Variants in PTPRN2 observed in about 807,000 individuals in gnomAD.
PTPRN2 encodes receptor-type tyrosine-protein phosphatase N2.
PTPRN2 carries 74 observed loss-of-function variants against 118.8 expected under a neutral mutation model. The observed-to-expected ratio is 0.62, with a 90% CI of 0.52 to 0.76. The LOEUF is 0.76. Among genes scored for constraint, PTPRN2 ranks in the 30% least tolerant of loss-of-function variants. The pLI is 0.00. For missense variants in PTPRN2, 1,481 were observed against 1,394.4 expected (o/e 1.06, Z -0.99); for synonymous variants, 641 against 608.0 (o/e 1.05, Z -0.80).
intron 12 of PTPRN2, among the ~76,000 whole-genome samples, chr7:157,731,361 G>GT (rs1247487799): frequency 6.6e-6 from 1 of 152,198 alleles, no homozygotes; most frequent in Admixed American, 6.5e-5. Flanking sequence ...GACTAGAACC[G>GT]TATCTGGCAT....
rs541257933 is a variant in PTPRN2, at chr7:157,845,004, G to T, written c.1788+53669C>A. On this transcript the variant is annotated intron_variant, in intron 12 of 22. Transcript: ENST00000389418. This position sits in a 1 kb window ranked among gnomAD's most constrained non-coding sequence, Gnocchi z 4.5. ...GGTTTTCCAGCAAACCCTACAGATC[G>T]GTTGGGATCCACCTGGTGACACCTG... Among the ~76,000 whole-genome samples the T allele has an allele frequency of 3.9e-5, 6 of 152,130 alleles. No homozygotes were observed. Among genetic ancestry groups the T allele is most frequent in the African/African-American group, 1.4e-4 (6 of 41,510 alleles).
Position 158,364,675 on chromosome 7 carries a change from G to A in PTPRN2, c.164-47743C>T, listed in dbSNP as rs530931096. On this transcript the variant is annotated intron_variant, in intron 2 of 22. Transcript: ENST00000389418. ...ATTCTCCGTCCCAGCCCCAGATCCC[G>A]GGAGTTTTGATCACACAGCTGGGAA... Among the ~76,000 whole-genome samples the A allele has an allele frequency of 2.2e-4, 34 of 152,286 alleles. No individual in the cohort carries two copies. The South Asian group carries it at 6.6e-3, about 30-fold the overall frequency.
At chr7:157,725,205 A>AGTGAG in intron 12 of PTPRN2, among the ~76,000 whole-genome samples, 1 of 149,162 alleles carries the variant, frequency 6.7e-6, no homozygotes, top group Admixed American at 6.7e-5. Context: ...CACGCAGAGG[A>AGTGAG]CTGCGGCCAG....
chr7:158,381,656 G>A (rs1323406063), intron 2 of PTPRN2, among the ~76,000 whole-genome samples: 2 of 152,114 alleles, frequency 1.3e-5, no homozygotes, highest in Admixed American at 6.5e-5. Context: ...CACATTTTTG[G>A]TTATCTACAG....
At chr7:158,277,572 G>A (rs545082063) in intron 3 of PTPRN2, among the ~76,000 whole-genome samples, 24 of 152,284 alleles carry the variant, frequency 1.6e-4, no homozygotes, top group Middle Eastern at 3.4e-3. Flanking sequence ...CACAGCTCCC[G>A]AGGCCTGCCA....
Position 157,903,972 on chromosome 7 carries a change from C to T in PTPRN2, c.1724-5235G>A, listed in dbSNP as rs990416754. Reference sequence around the variant, plus strand: ...ACTAATCCATGTGCCCTCGTGACAGCGGCTGTTTTGCTGCATGTCTCATGG... The same window carrying T: ...ACTAATCCATGTGCCCTCGTGACAGTGGCTGTTTTGCTGCATGTCTCATGG... On this transcript the variant is annotated intron_variant, in intron 11 of 22. Coordinates refer to ENST00000389418, the MANE Select transcript of PTPRN2 (RefSeq NM_002847.5). The surrounding 1 kb of genome is among the most constrained non-coding windows in gnomAD (Gnocchi z 4.2). 5.9e-5 allele frequency among the ~76,000 whole-genome samples: 9 copies of T among 152,256 alleles called. No individual in the cohort carries two copies. The highest frequency in any genetic ancestry group is 2.1e-4 in the South Asian group (1 of 4,832).
In PTPRN2 at chr7:157,775,671, C is replaced by A. The variant is rs562383586; in HGVS notation, c.1789-92734G>T. Among the ~76,000 whole-genome samples, 3 of 152,232 alleles carry A rather than the reference C, an allele frequency of 2.0e-5. No individual in the cohort carries two copies. The East Asian group carries it at 5.8e-4, about 30-fold the overall frequency. On this transcript the variant is annotated intron_variant, in intron 12 of 22. Coordinates refer to ENST00000389418, the MANE Select transcript of PTPRN2 (RefSeq NM_002847.5). Reference sequence around the variant, plus strand: ...GAGGCGGGCGCAGCCTCGGGGCAGTCCCCACACAAGGGCAGGACGGAGCCT... The same window carrying A: ...GAGGCGGGCGCAGCCTCGGGGCAGTACCCACACAAGGGCAGGACGGAGCCT...
At chr7:158,186,990 G>A (rs1388975977) in intron 5 of PTPRN2, among the ~76,000 whole-genome samples, 1 of 152,212 alleles carries the variant, frequency 6.6e-6, no homozygotes, top group Non-Finnish European at 1.5e-5. Flanking sequence ...CTCAGTAACA[G>A]AGTGGACAGG....
intron 4 of PTPRN2, among the ~76,000 whole-genome samples, chr7:158,204,255 C>G (rs936131181): frequency 6.6e-6 from 1 of 151,076 alleles, no homozygotes; most frequent in South Asian, 2.1e-4. Context: ...GGGAAAGACG[C>G]AGCCCCCGCC....
At chr7:158,299,163 C>G (rs1800699531) in intron 3 of PTPRN2, among the ~76,000 whole-genome samples, 1 of 152,164 alleles carries the variant, frequency 6.6e-6, no homozygotes, top group Admixed American at 6.5e-5. Context: ...TTTTATCCCA[C>G]CCAAGACTGG....
intron 12 of PTPRN2, among the ~76,000 whole-genome samples, chr7:157,704,893 C>A (rs1290892130): frequency 1.3e-5 from 2 of 152,204 alleles, no homozygotes; most frequent in Non-Finnish European, 2.9e-5. Context: ...AATTAAAAAA[C>A]CCTCATGAAA....
At chr7:158,363,240 C>T (rs543890969) in intron 2 of PTPRN2, among the ~76,000 whole-genome samples, 3 of 151,564 alleles carry the variant, frequency 2.0e-5, no homozygotes, top group African/African-American at 4.8e-5. Context: ...CGGGAGGCCA[C>T]GAGAGGCTAC....
At chr7:158,511,962 G>A (rs1169957884) in intron 1 of PTPRN2, among the ~76,000 whole-genome samples, 7 of 152,156 alleles carry the variant, frequency 4.6e-5, no homozygotes, top group Non-Finnish European at 8.8e-5. Context: ...CTATGTTACT[G>A]TAACTGTGGA....
intron 11 of PTPRN2, among the ~76,000 whole-genome samples, chr7:157,963,173 G>A (rs1465395848): frequency 3.3e-5 from 5 of 152,252 alleles, no homozygotes; most frequent in Non-Finnish European, 5.9e-5. Flanking sequence ...GAGCCGGGCA[G>A]TCTCCTGGCC....
At chr7:157,788,421 G>A (rs1804217575) in intron 12 of PTPRN2, among the ~76,000 whole-genome samples, 1 of 150,850 alleles carries the variant, frequency 6.6e-6, no homozygotes, top group South Asian at 2.1e-4. Flanking sequence ...CAGCCTCCTT[G>A]GCAAGACACT....
chr7:158,522,535 G>A (rs1234669158), intron 1 of PTPRN2, among the ~76,000 whole-genome samples: 1 of 151,628 alleles, frequency 6.6e-6, no homozygotes, highest in Non-Finnish European at 1.5e-5. Context: ...GATGGTGCAT[G>A]TGCAGGGTGT....
chr7:157,650,547 G>A (rs966811966), intron 14 of PTPRN2, among the ~76,000 whole-genome samples: 1 of 152,182 alleles, frequency 6.6e-6, no homozygotes, highest in Non-Finnish European at 1.5e-5. Flanking sequence ...ACCCGAGCCA[G>A]AGCGAGAACG....
chr7:157,860,848 T>C (rs1172321065), intron 12 of PTPRN2, among the ~76,000 whole-genome samples: 1 of 152,214 alleles, frequency 6.6e-6, no homozygotes, highest in African/African-American at 2.4e-5. Context: ...GCTGGTCAGC[T>C]CAGGCAGCAG....
At chr7:158,456,286 C>A (rs1035831521) in intron 2 of PTPRN2, among the ~76,000 whole-genome samples, 1 of 148,882 alleles carries the variant, frequency 6.7e-6, no homozygotes, top group Non-Finnish European at 1.5e-5. Flanking sequence ...CATTGCTCCA[C>A]AGAGAAGATA....
Sources: gnomAD v4.1 joint callset for allele counts (sites outside exome capture counted in the v4.1 genomes callset) on GRCh38, gnomAD v4.1.1 for gene constraint, Gnocchi (gnomAD v3.1) non-coding constraint, MANE v1.5 for transcripts, NCBI Gene and HGNC (gene_info 2026-07-23, HGNC 2026-07-21) for gene names.